AIG1: variants seen among roughly 807,000 people sequenced by gnomAD.
AIG1 encodes the protein androgen induced 1.
In AIG1, 23 loss-of-function variants were observed where a neutral mutation model predicts 31.4. The ratio of observed to expected loss-of-function variants is 0.73; its 90% CI spans 0.53 to 1.04. The LOEUF is 1.04. AIG1 is among the 50% of genes least tolerant of loss of function. The probability of loss-of-function intolerance (pLI) is 0.00; values close to 1 mark genes in which losing one functional copy is unlikely to be tolerated. For missense variants in AIG1, 274 were observed against 295.0 expected (o/e 0.93, Z 0.52); for synonymous variants, 100 against 110.5 (o/e 0.90, Z 0.60).
intron 3 of AIG1, among the ~76,000 whole-genome samples, chr6:143,213,098 G>A (rs565736260): frequency 3.9e-5 from 6 of 152,240 alleles, no homozygotes; most frequent in East Asian, 3.9e-4. Context: ...TGTTCTTAGC[G>A]CTTGTGTTTT....
rs76037896 is a variant in AIG1, at chr6:143,087,213, G to A, written c.141+26147G>A. 2.6e-3 allele frequency among the ~76,000 whole-genome samples: 402 copies of A among 152,298 alleles called. 2 individuals carry two copies. The highest frequency in any genetic ancestry group is 8.9e-3 in the African/African-American group (369 of 41,562). Reference sequence around the variant, plus strand: ...CCAGTACGGTCTACCAAATGTTACCGGCGGGTCTTTGTTCTTAGAGCTCCC... The same window carrying A: ...CCAGTACGGTCTACCAAATGTTACCAGCGGGTCTTTGTTCTTAGAGCTCCC... On this transcript the variant is annotated intron_variant, in intron 1 of 5. Transcript: ENST00000357847.
chr6:143,207,675 C>A (rs1345518167), intron 3 of AIG1, among the ~76,000 whole-genome samples: 1 of 152,068 alleles, frequency 6.6e-6, no homozygotes, highest in East Asian at 1.9e-4. Context: ...CATTCTTGGT[C>A]ATAGAAGGTG....
At chr6:143,095,775 A>G (rs1779712970) in intron 1 of AIG1, among the ~76,000 whole-genome samples, 1 of 152,172 alleles carries the variant, frequency 6.6e-6, no homozygotes, top group Non-Finnish European at 1.5e-5. Flanking sequence ...ACAAGCCAAG[A>G]AAGGAATTAA....
rs1797818518 is a variant in AIG1 at position 143,288,126 on chromosome 6, T to TC, written c.515+3904dup. Reference sequence around the variant, plus strand: ...TGCAGCCGTCTGGGGCTGAATCTTTTCCCGGGCTGGCTCCACCCTCACTTC... The same window carrying TC: ...TGCAGCCGTCTGGGGCTGAATCTTTTCCCCGGGCTGGCTCCACCCTCACTTC... On this transcript the variant is annotated intron_variant, in intron 4 of 5. Transcript: ENST00000357847. This position sits in a 1 kb window ranked among gnomAD's most constrained non-coding sequence, Gnocchi z 4.4. Among the ~76,000 whole-genome samples, 7 of 152,242 alleles carry TC rather than the reference T, an allele frequency of 4.6e-5. No individual in the cohort carries two copies. In the South Asian group the frequency reaches 1.2e-3, roughly 27 times the overall value.
intron 3 of AIG1, among the ~76,000 whole-genome samples, chr6:143,225,995 CA>C (rs1162440777): frequency 6.6e-6 from 1 of 151,692 alleles, no homozygotes; most frequent in African/African-American, 2.4e-5. Context: ...ATTTAAAAAA[CA>C]AAAAAAATTG....
intron 1 of AIG1, among the ~76,000 whole-genome samples, chr6:143,128,153 T>A (rs1326643091): frequency 6.6e-6 from 1 of 152,116 alleles, no homozygotes; most frequent in Non-Finnish European, 1.5e-5. Context: ...AGAAGAAAAA[T>A]AATAGACTAT....
At position 143,339,709 on chromosome 6, in the gene AIG1, C is replaced by A; in HGVS notation, c.*33C>A. 6.2e-7 allele frequency: 1 copy of A among 1,609,182 alleles called. No individual in the cohort carries two copies. The highest frequency in any genetic ancestry group is 8.5e-7 in the Non-Finnish European group (1 of 1,177,426). On this transcript the variant is annotated 3_prime_UTR_variant, in exon 6 of 6. Coordinates refer to ENST00000357847, the MANE Select transcript of AIG1 (RefSeq NM_016108.4). ...GTCTAAACGCAAGAGCTAGATTGAGCCGCCATTGAAGACTCCTTCCCCTCG... is the reference window on the plus strand; with the variant it reads ...GTCTAAACGCAAGAGCTAGATTGAGACGCCATTGAAGACTCCTTCCCCTCG...
At chr6:143,138,223 C>A (rs1783927165) in intron 2 of AIG1, among the ~76,000 whole-genome samples, 1 of 152,204 alleles carries the variant, frequency 6.6e-6, no homozygotes, top group Non-Finnish European at 1.5e-5. Context: ...CAGATTGAAG[C>A]TAACCAGCAA....
At chr6:143,103,041 A>G (rs1483108860) in intron 1 of AIG1, among the ~76,000 whole-genome samples, 2 of 152,226 alleles carry the variant, frequency 1.3e-5, no homozygotes, top group Admixed American at 6.5e-5. Flanking sequence ...GTACCACTAA[A>G]TTACACATTT....
At chr6:143,122,339 C>A (rs1321153442) in intron 1 of AIG1, among the ~76,000 whole-genome samples, 1 of 151,958 alleles carries the variant, frequency 6.6e-6, no homozygotes, top group African/African-American at 2.4e-5. Flanking sequence ...CCATGTACAA[C>A]TTTGACTATT....
In AIG1 at chr6:143,339,829, A is replaced by G. The variant is rs958859234; in HGVS notation, c.*153A>G. On this transcript the variant is annotated 3_prime_UTR_variant, in exon 6 of 6. Coordinates refer to ENST00000357847, the MANE Select transcript of AIG1 (RefSeq NM_016108.4). ...GGACACCTTTTATATATAAATATGT[A>G]TAAACATAGAATACAGTTGTTTCCA... The G allele has an allele frequency of 1.2e-5, 7 of 601,848 alleles. No homozygotes were observed. Among genetic ancestry groups the G allele is most frequent in the East Asian group, 3.1e-5 (1 of 31,788 alleles). 37.3% of individuals were successfully genotyped at this position (601,848 alleles called of 1,614,324 possible). A position where few individuals can be genotyped will look rare whatever the true frequency, so the allele number is the denominator to read the frequency against.
chr6:143,133,209 G>A (rs1276074122), intron 1 of AIG1, among the ~76,000 whole-genome samples: 2 of 152,128 alleles, frequency 1.3e-5, no homozygotes, highest in African/African-American at 4.8e-5. Context: ...ACTACTTGTA[G>A]ATCAGCTTTT....
intron 4 of AIG1, among the ~76,000 whole-genome samples, chr6:143,318,370 A>C (rs1165404458): frequency 2.0e-5 from 3 of 152,174 alleles, no homozygotes; most frequent in African/African-American, 7.2e-5. Context: ...AAACAAAAAC[A>C]CAAAGTGGGG....
At chr6:143,294,004 C>T (rs1253908420) in intron 4 of AIG1, among the ~76,000 whole-genome samples, 1 of 152,160 alleles carries the variant, frequency 6.6e-6, no homozygotes, top group Non-Finnish European at 1.5e-5. Flanking sequence ...AGACTCTAAA[C>T]AGGGACTCCT....
chr6:143,157,068 T>C (rs1203301296), intron 2 of AIG1, among the ~76,000 whole-genome samples: 1 of 152,258 alleles, frequency 6.6e-6, no homozygotes, highest in Non-Finnish European at 1.5e-5. Flanking sequence ...CAGACCTTGC[T>C]TAATTATCTT....
At chr6:143,290,077 A>G (rs1234760985) in intron 4 of AIG1, among the ~76,000 whole-genome samples, 2 of 152,256 alleles carry the variant, frequency 1.3e-5, no homozygotes, top group African/African-American at 2.4e-5. Flanking sequence ...AACCGAGTCC[A>G]AGATGAATGA....
intron 2 of AIG1, among the ~76,000 whole-genome samples, chr6:143,139,882 C>A (rs555756463): frequency 1.9e-4 from 29 of 152,312 alleles, no homozygotes; most frequent in African/African-American, 7.0e-4. Context: ...ATAAATTGTT[C>A]ATTCCCAAAT....
intron 1 of AIG1, among the ~76,000 whole-genome samples, chr6:143,101,087 T>C (rs1009114770): frequency 3.9e-5 from 6 of 151,942 alleles, no homozygotes; most frequent in Non-Finnish European, 5.9e-5. Flanking sequence ...TTCATATAAT[T>C]TTTTTTGCTT....
intron 2 of AIG1, among the ~76,000 whole-genome samples, chr6:143,161,136 A>G (rs550440995): frequency 1.3e-5 from 2 of 152,330 alleles, no homozygotes; most frequent in South Asian, 2.1e-4. Context: ...ATTCAAAAAC[A>G]TAGATGAAAT....
Sources: gnomAD v4.1 joint callset for allele counts (sites outside exome capture counted in the v4.1 genomes callset) on GRCh38, gnomAD v4.1.1 for gene constraint, Gnocchi (gnomAD v3.1) non-coding constraint, MANE v1.5 for transcripts, NCBI Gene and HGNC (gene_info 2026-07-23, HGNC 2026-07-21) for gene names.